Variants in ADGRL3 observed in about 807,000 individuals in gnomAD.
ADGRL3 encodes adhesion G protein-coupled receptor L3, also known as calcium-independent alpha-latrotoxin receptor 3.
Under a neutral mutation model 153.5 loss-of-function variants are expected in ADGRL3, and 62 were observed. The ratio of observed to expected loss-of-function variants is 0.40; its 90% confidence interval spans 0.33 to 0.50. ADGRL3 has a LOEUF of 0.50. Among genes scored for constraint, ADGRL3 ranks in the 20% least tolerant of loss-of-function variants. ADGRL3 has a pLI of 0.47. For missense variants in ADGRL3, 1,641 were observed against 1,859.4 expected (o/e 0.88, Z 2.16); for synonymous variants, 710 against 672.5 (o/e 1.06, Z -0.86).
intron 8 of ADGRL3, among the ~76,000 whole-genome samples, chr4:61,745,867 T>C (rs1008195529): frequency 6.6e-5 from 10 of 152,026 alleles, no homozygotes; most frequent in African/African-American, 2.4e-4. Context: ...CAATATTAAC[T>C]TTAAATGTAA....
At chr4:61,966,488 A>G (rs954686648) in intron 17 of ADGRL3, among the ~76,000 whole-genome samples, 2 of 151,846 alleles carry the variant, frequency 1.3e-5, no homozygotes, top group African/African-American at 2.4e-5. Flanking sequence ...CATATCTGGT[A>G]TTTCTATGAT....
intron 5 of ADGRL3, among the ~76,000 whole-genome samples, chr4:61,609,842 T>A (rs2099046192): frequency 6.6e-6 from 1 of 152,110 alleles, no homozygotes; most frequent in Non-Finnish European, 1.5e-5. Context: ...ATATACGGAA[T>A]AAATTTGGCA....
intron 2 of ADGRL3, among the ~76,000 whole-genome samples, chr4:61,405,927 CTTATAGTTACA>C (rs1292443455): frequency 6.6e-6 from 1 of 151,868 alleles, no homozygotes; most frequent in Non-Finnish European, 1.5e-5. Context: ...CCAGATGTGA[CTTATAGTTACA>C]TTATACTTTA....
intron 1 of ADGRL3, among the ~76,000 whole-genome samples, chr4:61,280,814 A>T (rs1282137202): frequency 6.6e-6 from 1 of 152,168 alleles, no homozygotes; most frequent in Non-Finnish European, 1.5e-5. Context: ...ATATATTGTA[A>T]TATATCCACT....
At chr4:61,386,676 G>C (rs1254683325) in intron 2 of ADGRL3, among the ~76,000 whole-genome samples, 1 of 151,934 alleles carries the variant, frequency 6.6e-6, no homozygotes, top group Non-Finnish European at 1.5e-5. Flanking sequence ...AATCACATGA[G>C]AAAAATATGG....
intron 5 of ADGRL3, among the ~76,000 whole-genome samples, chr4:61,621,118 T>C (rs967560055): frequency 1.3e-5 from 2 of 152,234 alleles, no homozygotes; most frequent in African/African-American, 4.8e-5. Context: ...AAGTACATGT[T>C]GATAATAAAC....
chr4:61,376,438 G>T (rs1014214458), intron 1 of ADGRL3, among the ~76,000 whole-genome samples: 1 of 151,856 alleles, frequency 6.6e-6, no homozygotes, highest in Non-Finnish European at 1.5e-5. Context: ...CTTAATCAGA[G>T]AAAGAAAGGA....
intron 25 of ADGRL3, chr4:62,063,437 T>G: frequency 1.6e-6 from 1 of 611,364 alleles, no homozygotes; most frequent in Non-Finnish European, 2.9e-6. Context: ...TTCCTTTCTT[T>G]TTTTCAAACA....
intron 1 of ADGRL3, among the ~76,000 whole-genome samples, chr4:61,368,488 C>G (rs1013378101): frequency 2.6e-5 from 4 of 152,100 alleles, no homozygotes; most frequent in Admixed American, 6.6e-5. Context: ...AATGGGGAAT[C>G]CTTTCCCCAT....
chr4:61,968,445 T>C (rs2099014694), intron 17 of ADGRL3, among the ~76,000 whole-genome samples: 1 of 152,202 alleles, frequency 6.6e-6, no homozygotes, highest in South Asian at 2.1e-4. Context: ...TTTTTCTTTG[T>C]TCTCATCTGT....
intron 2 of ADGRL3, among the ~76,000 whole-genome samples, chr4:61,414,134 A>G (rs752385829): frequency 1.2e-4 from 18 of 152,198 alleles, no homozygotes; most frequent in Non-Finnish European, 2.2e-4. Flanking sequence ...TTATCTCAGG[A>G]GTCACTATTA....
intron 9 of ADGRL3, among the ~76,000 whole-genome samples, chr4:61,846,723 A>G (rs1408571606): frequency 6.6e-6 from 1 of 151,938 alleles, no homozygotes; most frequent in Non-Finnish European, 1.5e-5. Context: ...TACAGGAAAC[A>G]TGGTGCTGGC....
At chr4:61,927,855 T>C (rs1485430199) in intron 13 of ADGRL3, among the ~76,000 whole-genome samples, 1 of 151,980 alleles carries the variant, frequency 6.6e-6, no homozygotes, top group Admixed American at 6.6e-5. Context: ...AATTTTGTTT[T>C]TATTATTTCA....
chr4:61,888,271 C>T (rs1343803329), intron 9 of ADGRL3, among the ~76,000 whole-genome samples: 2 of 152,198 alleles, frequency 1.3e-5, no homozygotes, highest in Non-Finnish European at 2.9e-5. Context: ...AATGACTTTT[C>T]TCTGATATAC....
At chr4:61,745,101 A>C (rs558613107) in intron 8 of ADGRL3, among the ~76,000 whole-genome samples, 1 of 152,320 alleles carries the variant, frequency 6.6e-6, no homozygotes, top group Admixed American at 6.5e-5. Flanking sequence ...GATCAACTGG[A>C]ATAAAGGGTA....
At chr4:61,717,549 A>G (rs1268155023) in intron 6 of ADGRL3, among the ~76,000 whole-genome samples, 1 of 152,146 alleles carries the variant, frequency 6.6e-6, no homozygotes, top group Non-Finnish European at 1.5e-5. Context: ...TGAAATGGTG[A>G]TAATATAGTT....
intron 6 of ADGRL3, among the ~76,000 whole-genome samples, chr4:61,686,720 A>C (rs1411109504): frequency 6.6e-6 from 1 of 152,114 alleles, no homozygotes; most frequent in Non-Finnish European, 1.5e-5. Flanking sequence ...CCTGTGCAAT[A>C]GAACAACAAA....
chr4:61,212,474 G>A (rs185006921), intron 1 of ADGRL3, among the ~76,000 whole-genome samples: 4 of 152,216 alleles, frequency 2.6e-5, no homozygotes, highest in Admixed American at 2.6e-4. Flanking sequence ...ATATACTTCA[G>A]TGTATCCAGT....
chr4:61,302,441 A>AT lies in ADGRL3; in HGVS notation c.-239-80673dup, dbSNP rs1041741944. Among the ~76,000 whole-genome samples the AT allele has an allele frequency of 6.3e-4, 95 of 149,642 alleles. No individual in the cohort carries two copies. In the South Asian group the frequency reaches 0.012, roughly 19 times the overall value. The stretch of plus-strand genomic sequence containing the variant: ...TTTTATCTAAAAAACTAGGTATTGG[A>AT]TTTTTTTTTTAATTAAAAGTTGAAC... On this transcript the variant is annotated intron_variant, in intron 1 of 26. Transcript: ENST00000683033.
Sources: gnomAD v4.1 joint callset for allele counts (sites outside exome capture counted in the v4.1 genomes callset) on GRCh38, gnomAD v4.1.1 for gene constraint, MANE v1.5 for transcripts, NCBI Gene and HGNC (gene_info 2026-07-23, HGNC 2026-07-21) for gene names.